TMCC3: variants seen among roughly 807,000 people sequenced by gnomAD.
The protein encoded by TMCC3 is transmembrane and coiled-coil domain protein 3.
Under a neutral mutation model 40.2 loss-of-function variants are expected in TMCC3, and 28 were observed. That is an observed-to-expected ratio of 0.70 (90% CI 0.52 to 0.95). The LOEUF (loss-of-function observed/expected upper bound fraction) is 0.95, where lower values mean the gene tolerates loss of function less well. Among genes scored for constraint, TMCC3 ranks in the 40% least tolerant of loss-of-function variants. TMCC3 has a pLI of 0.00. For missense variants in TMCC3, 554 were observed against 615.2 expected (o/e 0.90, Z 1.05); for synonymous variants, 255 against 248.5 (o/e 1.03, Z -0.25).
At chr12:94,597,120 A>AATATATATATAT (rs768080145) in intron 1 of TMCC3, among the ~76,000 whole-genome samples, 14 of 5,482 alleles carry the variant, frequency 2.6e-3, no homozygotes, top group African/African-American at 5.8e-3. Context: ...TCTCTATTAA[A>AATATATATATAT]ATACATATAT....
intron 1 of TMCC3, among the ~76,000 whole-genome samples, chr12:94,607,066 A>G (rs368639549): frequency 2.8e-4 from 42 of 152,298 alleles, no homozygotes; most frequent in African/African-American, 9.9e-4. Context: ...ACCTCCCCCC[A>G]GGAATGCATT....
intron 1 of TMCC3, among the ~76,000 whole-genome samples, chr12:94,620,957 T>C (rs2068872953): frequency 6.6e-6 from 1 of 152,062 alleles, no homozygotes; most frequent in African/African-American, 2.4e-5. Flanking sequence ...GGTCAGTTTG[T>C]AAGGTTTTGC....
chr12:94,619,820 T>C (rs2138867279), intron 1 of TMCC3, among the ~76,000 whole-genome samples: 1 of 152,294 alleles, frequency 6.6e-6, no homozygotes, highest in African/African-American at 2.4e-5. Flanking sequence ...AAATAAATAA[T>C]AGATATGTAT....
At chr12:94,608,047 C>T (rs2068793848) in intron 1 of TMCC3, among the ~76,000 whole-genome samples, 1 of 152,176 alleles carries the variant, frequency 6.6e-6, no homozygotes, top group Non-Finnish European at 1.5e-5. Flanking sequence ...TGCTTGATTG[C>T]TTTTCTTCCT....
At position 94,571,486 on chromosome 12, in the gene TMCC3, T is replaced by C; in HGVS notation, c.1383A>G (p.Lys461=). The C allele has an allele frequency of 5.6e-6, 9 of 1,614,160 alleles. No individual in the cohort carries two copies. Among genetic ancestry groups the C allele is most frequent in the Non-Finnish European group, 7.6e-6 (9 of 1,180,036 alleles). The change falls in exon 4 of 4, where the codon AAA becomes AAG. Residue 461 remains lysine (K), a synonymous_variant. Transcript: ENST00000261226. ...TGGCACACAGGATATGGTCCCAGTT[T>C]TTACAAAATATAGCAAGAAGAGTCA... The part of the protein sequence containing the change: ...FAVTLLAIFC[K]NWDHILCAIE...
At chr12:94,584,302 T>C (rs1411162459) in intron 1 of TMCC3, among the ~76,000 whole-genome samples, 1 of 152,134 alleles carries the variant, frequency 6.6e-6, no homozygotes, top group East Asian at 1.9e-4. Flanking sequence ...GGCATCCTCC[T>C]GCTTTCGCCG....
rs1016983361 is a variant in TMCC3, at chr12:94,567,379, A to G, written c.*4056T>C. On this transcript the variant is annotated 3_prime_UTR_variant, in exon 4 of 4. Transcript: ENST00000261226. ...ACTACTGCCTAAACATATCTTAAAC[A>G]CAGAGCACGTTTTGTTGAAATATTT... The G allele has an allele frequency of 6.6e-6, 1 of 152,242 alleles. No individual in the cohort carries two copies. 9.4% of individuals were successfully genotyped at this position (152,242 alleles called of 1,614,324 possible).
chr12:94,598,894 TG>T, intron 1 of TMCC3: 2 of 549,320 alleles, frequency 3.6e-6, no homozygotes, highest in South Asian at 1.6e-4. Context: ...AGTCTGTATT[TG>T]GGTTGGCTGT....
At chr12:94,617,705 T>TCTG in intron 1 of TMCC3, among the ~76,000 whole-genome samples, 1 of 152,198 alleles carries the variant, frequency 6.6e-6, no homozygotes, top group South Asian at 2.1e-4. Flanking sequence ...GCTTTTGACA[T>TCTG]TAAATAACAA....
intron 2 of TMCC3, among the ~76,000 whole-genome samples, chr12:94,580,506 G>A (rs377760364): frequency 1.9e-4 from 29 of 152,256 alleles, no homozygotes; most frequent in Non-Finnish European, 8.8e-5. Context: ...AGGACAAGGC[G>A]GGCGAATCAC....
At chr12:94,582,957 A>C (rs1273992806) in intron 1 of TMCC3, among the ~76,000 whole-genome samples, 1 of 145,008 alleles carries the variant, frequency 6.9e-6, no homozygotes, top group Admixed American at 7.1e-5. Flanking sequence ...ACTTAATAGA[A>C]GGAGAATCTT....
chr12:94,614,961 C>G (rs1200306963), intron 1 of TMCC3, among the ~76,000 whole-genome samples: 1 of 151,956 alleles, frequency 6.6e-6, no homozygotes, highest in East Asian at 1.9e-4. Context: ...AATGTAACCT[C>G]CAAGACCCAA....
chr12:94,623,446 T>C (rs751451282), intron 1 of TMCC3, among the ~76,000 whole-genome samples: 3 of 152,244 alleles, frequency 2.0e-5, no homozygotes, highest in Non-Finnish European at 4.4e-5. Flanking sequence ...CAGGCTAGAA[T>C]GCTGCCTGGC....
At chr12:94,597,120 A>AAAAAAAAAAAAAT (rs2068719307) in intron 1 of TMCC3, among the ~76,000 whole-genome samples, 1 of 5,486 alleles carries the variant, frequency 1.8e-4, no homozygotes, top group African/African-American at 4.5e-4. Flanking sequence ...TCTCTATTAA[A>AAAAAAAAAAAAAT]ATACATATAT....
intron 1 of TMCC3, among the ~76,000 whole-genome samples, chr12:94,638,887 G>A (rs2068974688): frequency 6.6e-6 from 1 of 152,150 alleles, no homozygotes; most frequent in Admixed American, 6.5e-5. Flanking sequence ...TTTATTTTTG[G>A]ACAAGTGCTT....
At chr12:94,616,893 G>A (rs2068850981) in intron 1 of TMCC3, among the ~76,000 whole-genome samples, 1 of 152,194 alleles carries the variant, frequency 6.6e-6, no homozygotes, top group Non-Finnish European at 1.5e-5. Flanking sequence ...AGAGGATTAG[G>A]ATGATCACAT....
Position 94,650,354 on chromosome 12 carries a change from C to A in TMCC3, c.77G>T (p.Arg26Leu). 7.6e-7 allele frequency: 1 copy of A among 1,321,054 alleles called. No individual in the cohort carries two copies. Among genetic ancestry groups the A allele is most frequent in the Non-Finnish European group, 9.7e-7 (1 of 1,030,208 alleles). The allele number at this position is 1,321,054 out of a possible 1,614,324, so 81.8% of individuals were successfully genotyped here. A position where few individuals can be genotyped will look rare whatever the true frequency, so the allele number is the denominator to read the frequency against. Residue 26 changes from arginine to leucine, a missense_variant and splice_region_variant, in exon 1 of 4, where the codon CGG (arginine) becomes CTG (leucine). Arg to Leu is a moderately radical substitution (Grantham distance 102, BLOSUM62 -2). Coordinates refer to ENST00000261226, the MANE Select transcript of TMCC3 (RefSeq NM_020698.4). The part of the protein sequence containing the change: ...YPGRHHRCKS[R>L]VERHDMNTLS... ...CGCCCCCCAGCCCGCTGCGCTCACC[C>A]GGCTCTTGCAGCGGTGGTGCCGGCC...
chr12:94,631,544 C>G (rs768789312), intron 1 of TMCC3, among the ~76,000 whole-genome samples: 8 of 152,140 alleles, frequency 5.3e-5, no homozygotes, highest in Non-Finnish European at 1.0e-4. Flanking sequence ...CTCTTTCCCT[C>G]CTGGTTCTCA....
In TMCC3 at chr12:94,582,295, CCTG is replaced by C; in HGVS notation, c.319_321del (p.Gln107del). The C allele has an allele frequency of 3.7e-6, 6 of 1,614,036 alleles. No homozygotes were observed. The highest frequency in any genetic ancestry group is 5.1e-6 in the Non-Finnish European group (6 of 1,180,002). On this transcript the variant is annotated inframe_deletion, in exon 2 of 4. Coordinates refer to ENST00000261226, the MANE Select transcript of TMCC3 (RefSeq NM_020698.4). ...TCAAAGACTTGCTTGATACGTCCCG[CCTG>C]CTGCTTGTCTGCGTTGTTCACTAGT...
Sources: allele counts gnomAD v4.1 joint callset (sites outside exome capture counted in the v4.1 genomes callset), GRCh38; gene constraint gnomAD v4.1.1; transcripts MANE v1.5; gene names NCBI Gene and HGNC (gene_info 2026-07-23, HGNC 2026-07-21).